RBFOX1: variants seen among roughly 807,000 people sequenced by gnomAD.
RBFOX1 encodes the protein RNA binding fox-1 homolog 1, also known as RNA binding protein fox-1 homolog 1.
In RBFOX1, 8 loss-of-function variants were observed where a neutral mutation model predicts 57.7. That is an observed-to-expected ratio of 0.14 (90% confidence interval 0.08 to 0.25). The LOEUF (loss-of-function observed/expected upper bound fraction) is 0.25, where lower values mean the gene tolerates loss of function less well. Among genes scored for constraint, RBFOX1 ranks in the 10% least tolerant of loss-of-function variants. The pLI, the probability that RBFOX1 is intolerant of heterozygous loss-of-function variation, is 1.00. For synonymous variants in RBFOX1, 326 were observed against 222.4 expected (o/e 1.47, Z -4.15); for missense variants, 611 against 548.5 (o/e 1.11, Z -1.14).
chr16:6,895,816 A>T (rs940153205), intron 3 of RBFOX1, among the ~76,000 whole-genome samples: 1 of 152,196 alleles, frequency 6.6e-6, no homozygotes, highest in African/African-American at 2.4e-5. Flanking sequence ...GACTTGAGCA[A>T]TTTGTTTAAA....
intron 2 of RBFOX1, among the ~76,000 whole-genome samples, chr16:6,427,098 A>G (rs144509065): frequency 6.6e-6 from 1 of 152,226 alleles, no homozygotes; most frequent in Non-Finnish European, 1.5e-5. Context: ...CTGTAGAGTG[A>G]CACAGAAACC....
rs116680152 is a variant in RBFOX1 at position 6,900,203 on chromosome 16, T to C, written c.-15-151854T>C. Among the ~76,000 whole-genome samples, 698 of 152,364 alleles carry C rather than the reference T, an allele frequency of 4.6e-3. 5 individuals are homozygous for C. The highest frequency in any genetic ancestry group is 0.016 in the African/African-American group (670 of 41,590). On this transcript the variant is annotated intron_variant, in intron 3 of 15. Coordinates refer to ENST00000550418, the MANE Select transcript of RBFOX1 (RefSeq NM_018723.4). ...TGAGCCTGTGTGGTGAATTGGAATG[T>C]ATCTGTGAATAATTCACTTGCTATT...
At chr16:5,522,268 CTGTT>C (rs1397175604) in intron 2 of RBFOX1, among the ~76,000 whole-genome samples, 4 of 152,170 alleles carry the variant, frequency 2.6e-5, no homozygotes, top group Admixed American at 1.3e-4. Flanking sequence ...CTTTGAGTCT[CTGTT>C]TGTTCATCTG....
In RBFOX1 at chr16:7,176,863, G is replaced by A. The variant is rs768066806; in HGVS notation, c.27+124765G>A. ...AAAAAATACAGAAATGTAAGACAGA[G>A]AGAAAGCAGGAATGGGGGGAGAGGA... On this transcript the variant is annotated intron_variant, in intron 4 of 15. Transcript: ENST00000550418. 3.9e-5 allele frequency among the ~76,000 whole-genome samples: 6 copies of A among 152,150 alleles called. No individual in the cohort carries two copies. The East Asian group carries it at 1.2e-3, about 29-fold the overall frequency.
chr16:7,694,386 A>C (rs1169092871), intron 14 of RBFOX1, among the ~76,000 whole-genome samples: 2 of 152,198 alleles, frequency 1.3e-5, no homozygotes, highest in East Asian at 3.9e-4. Context: ...GGTGAGAATG[A>C]ATGAATGAAA....
intron 3 of RBFOX1, among the ~76,000 whole-genome samples, chr16:6,966,942 C>T (rs189845971): frequency 6.6e-6 from 1 of 151,608 alleles, no homozygotes; most frequent in Admixed American, 6.6e-5. Context: ...CATCCATTGG[C>T]CTACCTATTA....
chr16:7,108,670 C>T (rs2064064571), intron 4 of RBFOX1, among the ~76,000 whole-genome samples: 1 of 152,122 alleles, frequency 6.6e-6, no homozygotes, highest in Non-Finnish European at 1.5e-5. Context: ...AGCAATGCAA[C>T]AATTTTGCAA....
chr16:7,166,795 G>C (rs2079596259), intron 4 of RBFOX1, among the ~76,000 whole-genome samples: 1 of 151,916 alleles, frequency 6.6e-6, no homozygotes, highest in East Asian at 1.9e-4. Flanking sequence ...ACAGCCAAAG[G>C]AGTGCTGCTC....
At chr16:6,253,436 C>T (rs112963966) in intron 1 of RBFOX1, among the ~76,000 whole-genome samples, 92 of 152,290 alleles carry the variant, frequency 6.0e-4, no homozygotes, top group African/African-American at 2.2e-3. Flanking sequence ...ATCCTGATGT[C>T]TGACTCAGGT....
At chr16:5,902,502 G>C (rs1235208207) in intron 4 of RBFOX1, among the ~76,000 whole-genome samples, 1 of 151,992 alleles carries the variant, frequency 6.6e-6, no homozygotes, top group African/African-American at 2.4e-5. Flanking sequence ...TGCAGCCACC[G>C]CCTCCCAGGT....
chr16:6,240,136 C>T (rs953884032), intron 1 of RBFOX1, among the ~76,000 whole-genome samples: 13 of 152,278 alleles, frequency 8.5e-5, no homozygotes, highest in South Asian at 2.1e-4. Flanking sequence ...CTTCACCTTC[C>T]GCCATGAGTG....
chr16:5,539,653 G>T (rs1259530081), intron 2 of RBFOX1, among the ~76,000 whole-genome samples: 1 of 152,082 alleles, frequency 6.6e-6, no homozygotes, highest in Non-Finnish European at 1.5e-5. Context: ...AAAACCAAGG[G>T]AGTGATGGGA....
intron 1 of RBFOX1, among the ~76,000 whole-genome samples, chr16:6,274,876 A>C (rs1398858814): frequency 2.0e-5 from 3 of 152,222 alleles, no homozygotes; most frequent in Non-Finnish European, 4.4e-5. Context: ...TTTAAGAAGA[A>C]GAGTTGGTCA....
intron 2 of RBFOX1, among the ~76,000 whole-genome samples, chr16:6,594,438 G>T (rs1254633120): frequency 6.6e-6 from 1 of 152,134 alleles, no homozygotes; most frequent in African/African-American, 2.4e-5. Context: ...CAGGTGGTGG[G>T]GGGGTCTGTG....
chr16:6,469,909 A>T (rs1462697626), intron 2 of RBFOX1, among the ~76,000 whole-genome samples: 2 of 152,166 alleles, frequency 1.3e-5, no homozygotes, highest in Non-Finnish European at 2.9e-5. Flanking sequence ...TTTCATGTTG[A>T]CCAATCTGTA....
intron 4 of RBFOX1, among the ~76,000 whole-genome samples, chr16:7,437,260 C>T (rs556288333): frequency 2.1e-5 from 3 of 144,358 alleles, no homozygotes; most frequent in East Asian, 2.2e-4. Context: ...GCCCCCCCCC[C>T]CTTTCTGTTA....
intron 2 of RBFOX1, among the ~76,000 whole-genome samples, chr16:6,392,948 T>G (rs1345012889): frequency 6.6e-6 from 1 of 152,220 alleles, no homozygotes; most frequent in Non-Finnish European, 1.5e-5. Flanking sequence ...AACAATGGAC[T>G]GAAGTCTTTC....
Position 5,878,692 on chromosome 16 carries a change from G to T in RBFOX1, c.351+11357G>T, listed in dbSNP as rs982338669. ...CTTACCTCACCGGAATGACAATCGG[G>T]GTCGAAAAAAAAGAGTTATTGCAAT... On this transcript the variant is annotated intron_variant, in intron 4 of 19. Transcript: ENST00000641259. Among the ~76,000 whole-genome samples the T allele has an allele frequency of 2.8e-5, 4 of 145,442 alleles. No individual in the cohort carries two copies. In the East Asian group the frequency reaches 5.8e-4, roughly 21 times the overall value.
At chr16:7,694,775 G>C (rs1453094747) in intron 14 of RBFOX1, among the ~76,000 whole-genome samples, 3 of 152,130 alleles carry the variant, frequency 2.0e-5, no homozygotes, top group African/African-American at 7.2e-5. Flanking sequence ...TTAGTGGAAT[G>C]GAGCATGAAA....
Sources: gnomAD v4.1 joint callset for allele counts (sites outside exome capture counted in the v4.1 genomes callset) on GRCh38, gnomAD v4.1.1 for gene constraint, MANE v1.5 for transcripts, NCBI Gene and HGNC (gene_info 2026-07-23, HGNC 2026-07-21) for gene names.